The following PDE1C variants were observed in gnomAD, a reference collection of about 807,000 sequenced individuals.
PDE1C encodes the protein phosphodiesterase 1C.
A neutral mutation model predicts 93.1 loss-of-function variants in PDE1C; 62 were observed. The observed-to-expected ratio is 0.67, with a 90% CI of 0.54 to 0.82. The LOEUF (loss-of-function observed/expected upper bound fraction) is 0.82. PDE1C is among the 40% of genes least tolerant of loss of function. The pLI, the probability that PDE1C is intolerant of heterozygous loss-of-function variation, is 0.00. For missense variants in PDE1C, 742 were observed against 884.6 expected, an observed-to-expected ratio of 0.84 and a Z score of 2.04; for synonymous variants, 325 against 310.1, an observed-to-expected ratio of 1.05 and a Z score of -0.50.
chr7:32,071,094 C>A, upstream of PDE1C: 2 of 985,386 alleles, frequency 2.0e-6, no homozygotes, highest in Non-Finnish European at 2.4e-6. Context: ...GCGGGCACCG[C>A]CGTCTGCCGG....
chr7:31,666,080 G>A, the PDE1C span, among the ~76,000 whole-genome samples: 1 of 152,100 alleles, frequency 6.6e-6, no homozygotes, highest in Admixed American at 6.6e-5. Context: ...TCACATCAGG[G>A]TCATCTGATG....
At chr7:32,374,822 T>C (rs78319084) in intron 1 of PDE1C, among the ~76,000 whole-genome samples, 3,193 of 152,288 alleles carry the variant, frequency 0.021, 104 homozygotes, top group African/African-American at 0.073. Context: ...ATGTTCTGAA[T>C]CTCTGATATT....
chr7:32,008,767 C>T (rs1786629949), intron 2 of PDE1C, among the ~76,000 whole-genome samples: 1 of 152,084 alleles, frequency 6.6e-6, no homozygotes, highest in Non-Finnish European at 1.5e-5. Flanking sequence ...TATATAACAA[C>T]ATATGCTTTG....
intron 1 of PDE1C, among the ~76,000 whole-genome samples, chr7:32,370,885 A>G (rs1336434244): frequency 6.6e-6 from 1 of 152,170 alleles, no homozygotes; most frequent in Non-Finnish European, 1.5e-5. Flanking sequence ...CTATTCAGCC[A>G]CAAAAAGAAT....
chr7:32,115,006 A>G lies in PDE1C; in HGVS notation c.308+54779T>C, dbSNP rs542517941. Among the ~76,000 whole-genome samples the G allele has an allele frequency of 2.0e-5, 3 of 152,312 alleles. No homozygotes were observed. The East Asian group carries it at 5.8e-4, about 29-fold the overall frequency. On this transcript the variant is annotated intron_variant, in intron 3 of 18. Coordinates refer to the PDE1C transcript ENST00000396193. The stretch of plus-strand genomic sequence containing the variant: ...TATGGAGAAATAGGAACACTTTTAC[A>G]CTATTGGTGGGAATGTAAATAAGTG...
intron 3 of PDE1C, among the ~76,000 whole-genome samples, chr7:32,142,730 G>T (rs537466469): frequency 6.6e-6 from 1 of 152,156 alleles, no homozygotes; most frequent in Non-Finnish European, 1.5e-5. Context: ...CACTATGGAA[G>T]CTGCCCAGAT....
intron 1 of PDE1C, among the ~76,000 whole-genome samples, chr7:32,423,030 C>T (rs577294455): frequency 6.6e-6 from 1 of 152,332 alleles, no homozygotes; most frequent in Admixed American, 6.5e-5. Context: ...AGTTTTCAAA[C>T]TGTGACCCTT....
chr7:31,652,755 G>A, the PDE1C span: 2 of 1,613,942 alleles, frequency 1.2e-6, no homozygotes, highest in Middle Eastern at 1.6e-4. Context: ...TTCATCATCA[G>A]CTTGGGCAAA....
chr7:32,411,240 G>A (rs899000828), intron 1 of PDE1C, among the ~76,000 whole-genome samples: 5 of 152,144 alleles, frequency 3.3e-5, no homozygotes, highest in East Asian at 3.9e-4. Flanking sequence ...AGAAGTGGAT[G>A]AGCAAACCGT....
chr7:31,625,251 G>C, the PDE1C span, among the ~76,000 whole-genome samples: 1 of 146,482 alleles, frequency 6.8e-6, no homozygotes. Flanking sequence ...AATACCATTT[G>C]ACCCAGCCAT....
intron 2 of PDE1C, among the ~76,000 whole-genome samples, chr7:31,997,470 CG>C (rs1310783161): frequency 6.6e-6 from 1 of 152,126 alleles, no homozygotes; most frequent in East Asian, 1.9e-4. Context: ...CCACAGAAAG[CG>C]TAGATACTAC....
At position 32,253,486 on chromosome 7, in the gene PDE1C, T is replaced by C. The variant is rs1398643050; in HGVS notation, c.86-43947A>G. Among the ~76,000 whole-genome samples, 3 of 152,158 alleles carry C rather than the reference T, an allele frequency of 2.0e-5. No homozygotes were observed. In the East Asian group the frequency reaches 5.8e-4, roughly 29 times the overall value. ...CTCACAATGAATGAATCCCCAGAGG[T>C]AGAAAGAGAATCTGCTTATAATAGC... On this transcript the variant is annotated intron_variant, in intron 1 of 18. Transcript: ENST00000396193.
chr7:31,989,385 A>G (rs1367810228), intron 2 of PDE1C, among the ~76,000 whole-genome samples: 3 of 152,058 alleles, frequency 2.0e-5, no homozygotes, highest in Non-Finnish European at 2.9e-5. Flanking sequence ...GTTTTCAATG[A>G]TTTTTCCACC....
chr7:32,307,612 C>G (rs1037914291), intron 1 of PDE1C, among the ~76,000 whole-genome samples: 1 of 93,230 alleles, frequency 1.1e-5, no homozygotes, highest in Non-Finnish European at 2.4e-5. Flanking sequence ...TTAAACCCTG[C>G]TGCATGCCCA....
In PDE1C at chr7:31,828,344, A is replaced by C; in HGVS notation, c.1233T>G (p.Pro411=). 6.2e-7 allele frequency: 1 copy of C among 1,612,378 alleles called. No individual in the cohort carries two copies. The highest frequency in any genetic ancestry group is 8.5e-7 in the Non-Finnish European group (1 of 1,178,782). Residue 411 remains proline (P), a synonymous_variant, in exon 12 of 18, where the codon CCT becomes CCG. Coordinates refer to ENST00000396191, the MANE Select transcript of PDE1C (RefSeq NM_001191057.4). ...QGDREAELGL[P]FSPLCDRKST... is the part of the protein sequence containing the mutation. ...ACTTTCGGTCACACAGAGGAGAAAA[A>C]GGCAGCCCCAGCTCTGCTTCTCTGT...
chr7:31,935,137 G>A (rs768759343), intron 2 of PDE1C, among the ~76,000 whole-genome samples: 1 of 152,152 alleles, frequency 6.6e-6, no homozygotes, highest in Non-Finnish European at 1.5e-5. Context: ...TAGTGCTAGC[G>A]TTGATACAGG....
At chr7:31,895,935 C>T (rs906968690) in intron 2 of PDE1C, among the ~76,000 whole-genome samples, 1 of 151,916 alleles carries the variant, frequency 6.6e-6, no homozygotes, top group African/African-American at 2.4e-5. Flanking sequence ...TTATAAATTA[C>T]CCAGTGTCAG....
Position 31,860,591 on chromosome 7 carries a change from C to G in PDE1C, c.750+4351G>C, listed in dbSNP as rs556698509. On this transcript the variant is annotated intron_variant, in intron 7 of 17. Transcript: ENST00000396191. ...TGTTTGACTGAATTTGTGTCATTTTCCTGATTCATTTATACAATCTGGATC... is the reference window on the plus strand; with the variant it reads ...TGTTTGACTGAATTTGTGTCATTTTGCTGATTCATTTATACAATCTGGATC... 2.0e-4 allele frequency among the ~76,000 whole-genome samples: 31 copies of G among 152,090 alleles called. No individual in the cohort carries two copies. In the South Asian group the frequency reaches 2.1e-3, roughly 10 times the overall value.
chr7:31,757,682 A>C (rs928611983), intron 17 of PDE1C, among the ~76,000 whole-genome samples: 1 of 152,180 alleles, frequency 6.6e-6, no homozygotes, highest in Non-Finnish European at 1.5e-5. Context: ...AATATGAACA[A>C]TTTTACACTG....
Sources: allele counts gnomAD v4.1 joint callset (sites outside exome capture counted in the v4.1 genomes callset), GRCh38; gene constraint gnomAD v4.1.1; transcripts MANE v1.5; gene names NCBI Gene and HGNC (gene_info 2026-07-23, HGNC 2026-07-21).